PCDHGA1: variants seen among roughly 807,000 people sequenced by gnomAD.
PCDHGA1 encodes protocadherin gamma subfamily A, 1, also known as protocadherin gamma-A1.
A neutral mutation model predicts 58.0 loss-of-function variants in PCDHGA1; 32 were observed. The ratio of observed to expected loss-of-function variants is 0.55; its 90% CI spans 0.42 to 0.74. The LOEUF is 0.74. Ranked by LOEUF, PCDHGA1 falls within the 30% of genes least tolerant of loss-of-function variation. The probability of loss-of-function intolerance (pLI) is 0.00; values close to 1 mark genes in which losing one functional copy is unlikely to be tolerated. For synonymous variants in PCDHGA1, 498 were observed against 501.1 expected (o/e 0.99, Z 0.08); for missense variants, 1,205 against 1,182.3 (o/e 1.02, Z -0.28).
chr5:141,379,889 CTTTTTTTTTTTTTTTT>C (rs70988800), intron 1 of PCDHGA1, among the ~76,000 whole-genome samples: 915 of 50,904 alleles, frequency 0.018, 31 homozygotes, highest in African/African-American at 0.056. Context: ...GTGAAAGCCT[CTTTTTTTTTTTTTTTT>C]TTTTTTTTTT....
chr5:141,489,093 A>T lies in PCDHGA1; in HGVS notation c.2422-5714A>T. ...GCCCACCCCCGCCACTCGGTGACTA[A>T]GAACTGCTGCAAGCAGGCAAACCTC... is the stretch of plus-strand genomic sequence containing the variant. On this transcript the variant is annotated intron_variant, in intron 1 of 3. Coordinates refer to ENST00000517417, the MANE Select transcript of PCDHGA1 (RefSeq NM_018912.3). This position sits in a 1 kb window ranked among gnomAD's most constrained non-coding sequence, Gnocchi z 4.5. 2.1e-6 allele frequency: 1 copy of T among 477,272 alleles called. No individual in the cohort carries two copies. Among genetic ancestry groups the T allele is most frequent in the Non-Finnish European group, 3.6e-6 (1 of 276,700 alleles). The allele number at this position is 477,272 out of a possible 1,614,324, so 29.6% of individuals were successfully genotyped here.
chr5:141,344,484 C>T, intron 1 of PCDHGA1: 2 of 1,613,882 alleles, frequency 1.2e-6, no homozygotes, highest in Non-Finnish European at 8.5e-7. Flanking sequence ...TCCTGGAACC[C>T]GATTTCCAAT....
chr5:141,384,134 G>T, intron 1 of PCDHGA1: 2 of 1,611,964 alleles, frequency 1.2e-6, no homozygotes, highest in South Asian at 2.2e-5. Context: ...AACTTGGACC[G>T]GGAAACACTC....
chr5:141,430,632 C>T, intron 1 of PCDHGA1: 1 of 852,604 alleles, frequency 1.2e-6, no homozygotes, highest in Non-Finnish European at 1.7e-6. Flanking sequence ...AATGAACCAT[C>T]CCTGGGAGTA....
chr5:141,335,650 T>C (rs1180641192), intron 1 of PCDHGA1, among the ~76,000 whole-genome samples: 1 of 152,188 alleles, frequency 6.6e-6, no homozygotes, highest in East Asian at 1.9e-4. Context: ...ATAGATCCGT[T>C]CTGCACACAA....
chr5:141,362,452 G>T (rs751763325), intron 1 of PCDHGA1: 1 of 1,614,012 alleles, frequency 6.2e-7, no homozygotes, highest in Non-Finnish European at 8.5e-7. Flanking sequence ...CATAACCCCG[G>T]AATTGGTTCC....
rs772264177 is a variant in PCDHGA1 at position 141,376,458 on chromosome 5, T to C, written c.2421+43353T>C. On this transcript the variant is annotated intron_variant, in intron 1 of 3. Coordinates refer to ENST00000517417, the MANE Select transcript of PCDHGA1 (RefSeq NM_018912.3). Reference sequence around the variant, plus strand: ...AGCTATGAGAAAAGCGAGCCTCTTCTGATAACTCAGGATTTACTTGAAACG... The same window carrying C: ...AGCTATGAGAAAAGCGAGCCTCTTCCGATAACTCAGGATTTACTTGAAACG... 14 of 1,614,106 alleles carry C rather than the reference T, an allele frequency of 8.7e-6. No individual in the cohort carries two copies. In the African/African-American group the frequency reaches 1.5e-4, roughly 17 times the overall value.
At chr5:141,350,875 T>G (rs771000230) in intron 1 of PCDHGA1, 17 of 1,613,960 alleles carry the variant, frequency 1.1e-5, no homozygotes, top group Non-Finnish European at 1.4e-5. Flanking sequence ...AGAGCTCTCA[T>G]CGCTTAATCC....
chr5:141,418,699 C>A, intron 1 of PCDHGA1: 1 of 1,614,014 alleles, frequency 6.2e-7, no homozygotes, highest in Non-Finnish European at 8.5e-7. Context: ...TCACTTATTC[C>A]TTCTTTGGTG....
chr5:141,429,851 TC>T (rs1447325775), intron 1 of PCDHGA1, among the ~76,000 whole-genome samples: 2 of 152,224 alleles, frequency 1.3e-5, no homozygotes, highest in African/African-American at 4.8e-5. Context: ...TCTGTAACAT[TC>T]TTTGGACTAC....
chr5:141,453,067 C>A (rs1227122711), intron 1 of PCDHGA1, among the ~76,000 whole-genome samples: 1 of 152,024 alleles, frequency 6.6e-6, no homozygotes, highest in African/African-American at 2.4e-5. Context: ...AGAGTTTTGC[C>A]ACACTCTGGT....
At chr5:141,409,334 G>A (rs767579166) in intron 1 of PCDHGA1, 1 of 1,613,974 alleles carries the variant, frequency 6.2e-7, no homozygotes, top group South Asian at 1.1e-5. Flanking sequence ...GGATTTCGGA[G>A]GAAATGGAGA....
At chr5:141,374,243 C>T in intron 1 of PCDHGA1, 1 of 1,614,000 alleles carries the variant, frequency 6.2e-7, no homozygotes, top group East Asian at 2.2e-5. Context: ...GGATCTGGGA[C>T]TGGAGCCCCA....
rs761472193 is a variant in PCDHGA1 at position 141,370,472 on chromosome 5, C to A, written c.2421+37367C>A. 115 of 1,613,332 alleles carry A rather than the reference C, an allele frequency of 7.1e-5. No individual in the cohort carries two copies. The Admixed American group carries it at 1.9e-3, about 27-fold the overall frequency. On this transcript the variant is annotated intron_variant, in intron 1 of 3. Transcript: ENST00000517417. ...TTCTCTTCCTGCTCTCTTTGTTAGA[C>A]CAGGCTCTCTCCGAACCGATCCGCT...
intron 1 of PCDHGA1, among the ~76,000 whole-genome samples, chr5:141,434,902 C>T (rs1591355042): frequency 6.6e-6 from 1 of 151,934 alleles, no homozygotes; most frequent in East Asian, 1.9e-4. Flanking sequence ...CCCCTTCCCT[C>T]ATACCTTATT....
chr5:141,371,086 T>C (rs1767472872), intron 1 of PCDHGA1: 2 of 1,613,836 alleles, frequency 1.2e-6, no homozygotes, highest in Admixed American at 3.3e-5. Context: ...ATCAGGGTAA[T>C]TGTCGCAGAT....
chr5:141,418,589 C>T (rs184213052), intron 1 of PCDHGA1: 13 of 1,613,896 alleles, frequency 8.1e-6, no homozygotes, highest in African/African-American at 6.7e-5. Flanking sequence ...AGTGTTCAGC[C>T]AGGACGTGTA....
At position 141,335,753 on chromosome 5, in the gene PCDHGA1, CAATAATAT is replaced by C. The variant is rs1282704531; in HGVS notation, c.2421+2650_2421+2657del. 2.0e-5 allele frequency among the ~76,000 whole-genome samples: 3 copies of C among 152,078 alleles called. No homozygotes were observed. In the East Asian group the frequency reaches 5.8e-4, roughly 29 times the overall value. ...AAGGGTTCAGCAAATTGCAAAGTAC[CAATAATAT>C]ACTTGCCTTACAACACATACTTAAT... On this transcript the variant is annotated intron_variant, in intron 1 of 3. Coordinates refer to ENST00000517417, the MANE Select transcript of PCDHGA1 (RefSeq NM_018912.3).
intron 1 of PCDHGA1, chr5:141,384,561 C>T (rs778010622): frequency 3.7e-6 from 6 of 1,614,254 alleles, no homozygotes; most frequent in Admixed American, 3.3e-5. Context: ...TCGTGCTGGA[C>T]CAGAATGACA....
Sources: allele counts gnomAD v4.1 joint callset (sites outside exome capture counted in the v4.1 genomes callset), GRCh38; gene constraint gnomAD v4.1.1; non-coding constraint Gnocchi (gnomAD v3.1); transcripts MANE v1.5; gene names NCBI Gene and HGNC (gene_info 2026-07-23, HGNC 2026-07-21).